The following FAM53A variants were observed in gnomAD, a reference collection of about 807,000 sequenced individuals.
FAM53A encodes the protein family with sequence similarity 53 member A.
In FAM53A, 28 loss-of-function variants were observed where a neutral mutation model predicts 26.6. The observed-to-expected ratio is 1.05, with a 90% CI of 0.78 to 1.45. FAM53A has a LOEUF of 1.45. Ranked by LOEUF, FAM53A falls within the 40% of genes most tolerant of loss-of-function variation. The probability of loss-of-function intolerance (pLI) is 0.00; values close to 1 mark genes in which losing one functional copy is unlikely to be tolerated. For missense variants in FAM53A, 650 were observed against 575.8 expected, an observed-to-expected ratio of 1.13 and a Z score of -1.32; for synonymous variants, 290 against 253.1, an observed-to-expected ratio of 1.15 and a Z score of -1.38.
At chr4:1,593,666 G>A in the FAM53A span, among the ~76,000 whole-genome samples, 5 of 152,118 alleles carry the variant, frequency 3.3e-5, no homozygotes, top group East Asian at 5.8e-4. Flanking sequence ...GCAATAGACA[G>A]GGTAATTGCA....
At chr4:1,655,876 C>T (rs1713336551) in intron 3 of FAM53A, among the ~76,000 whole-genome samples, 153 bp from the exon 4 acceptor site, 1 of 152,208 alleles carries the variant, frequency 6.6e-6, no homozygotes. Context: ...CCGTGGCGCA[C>T]AGTGGACACC....
chr4:1,615,391 C>A (rs1206978755), downstream of FAM53A, among the ~76,000 whole-genome samples: 1 of 137,478 alleles, frequency 7.3e-6, no homozygotes, highest in Admixed American at 7.4e-5. Context: ...AGACAGGATG[C>A]GGCCACATCC....
chr4:1,626,854 T>C lies in FAM53A; in HGVS notation c.432-8743A>G, dbSNP rs116132595. Among the ~76,000 whole-genome samples the C allele has an allele frequency of 4.0e-3, 616 of 152,224 alleles. 5 individuals carry two copies. Among genetic ancestry groups the C allele is most frequent in the African/African-American group, 0.014 (584 of 41,544 alleles). The stretch of plus-strand genomic sequence containing the variant: ...ACCCACCCACTGTTCATCCAACTGA[T>C]TGAGCCCCTGGCCAGGGCTCAATCA... On this transcript the variant is annotated intron_variant, in intron 1 of 1. Coordinates refer to the FAM53A transcript ENST00000489029.
At chr4:1,684,371 C>T (rs1225893260), upstream of FAM53A, 2 of 148,482 alleles carry the variant, frequency 1.3e-5, no homozygotes, top group Non-Finnish European at 3.0e-5. Flanking sequence ...TCATTGGCCG[C>T]CCGCGCCCCG....
chr4:1,603,812 G>A, the FAM53A span, among the ~76,000 whole-genome samples: 2 of 152,362 alleles, frequency 1.3e-5, no homozygotes, highest in African/African-American at 4.8e-5. Context: ...GCCCCAGGGA[G>A]CCTGGGGTGT....
the FAM53A span, among the ~76,000 whole-genome samples, chr4:1,595,153 G>C: frequency 6.6e-6 from 1 of 152,230 alleles, no homozygotes. Context: ...GGAAGCCGCA[G>C]CCACTGAAAG....
intron 1 of FAM53A, among the ~76,000 whole-genome samples, chr4:1,634,398 G>A (rs1459930410): frequency 2.0e-5 from 3 of 152,140 alleles, no homozygotes; most frequent in African/African-American, 7.2e-5. Context: ...CAGCCCTGAG[G>A]TCTAATACAG....
intron 1 of FAM53A, among the ~76,000 whole-genome samples, chr4:1,675,217 G>A (rs1714960834): frequency 1.3e-5 from 2 of 152,170 alleles, no homozygotes; most frequent in Admixed American, 6.5e-5. Flanking sequence ...GAGAAACCTG[G>A]CTCCCGCTGC....
At chr4:1,632,163 CAAA>C (rs33944808) in intron 1 of FAM53A, among the ~76,000 whole-genome samples, 4 of 107,470 alleles carry the variant, frequency 3.7e-5, no homozygotes, top group Non-Finnish European at 1.8e-5. Flanking sequence ...GATTCCATCT[CAAA>C]AAAAAAAAAA....
chr4:1,678,084 G>C (rs1269225474), intron 1 of FAM53A, among the ~76,000 whole-genome samples: 1 of 152,188 alleles, frequency 6.6e-6, no homozygotes, highest in Non-Finnish European at 1.5e-5. Context: ...CATCAAGACC[G>C]TGTGTGCCCA....
intron 4 of FAM53A, chr4:1,644,110 C>G (rs1363074462): frequency 8.7e-6 from 13 of 1,488,706 alleles, no homozygotes; most frequent in Non-Finnish European, 1.2e-5. Flanking sequence ...TGCCGTGCTG[C>G]CCACACAGGA....
chr4:1,667,033 C>T (rs529325837), intron 2 of FAM53A, among the ~76,000 whole-genome samples: 45 of 151,616 alleles, frequency 3.0e-4, no homozygotes, highest in Non-Finnish European at 5.2e-4. Flanking sequence ...GAGGCTGAGG[C>T]GGGAGAATTG....
At chr4:1,579,429 C>T in the FAM53A span, among the ~76,000 whole-genome samples, 11 of 151,984 alleles carry the variant, frequency 7.2e-5, no homozygotes, top group East Asian at 7.8e-4. Context: ...CCTGCGCCAC[C>T]CCCCCGCCCT....
At chr4:1,603,987 G>A in the FAM53A span, among the ~76,000 whole-genome samples, 1 of 152,204 alleles carries the variant, frequency 6.6e-6, no homozygotes, top group African/African-American at 2.4e-5. Flanking sequence ...GCCCTCATGG[G>A]CACAGCTGCT....
intron 1 of FAM53A, among the ~76,000 whole-genome samples, chr4:1,676,539 C>A (rs906860183): frequency 5.3e-5 from 8 of 152,176 alleles, no homozygotes; most frequent in Non-Finnish European, 1.2e-4. Context: ...GCGACACACA[C>A]AGGGTGCTGG....
chr4:1,672,628 G>GCT (rs202227403), intron 1 of FAM53A, among the ~76,000 whole-genome samples: 1,723 of 152,174 alleles, frequency 0.011, 32 homozygotes, highest in African/African-American at 0.04. Context: ...CCCAAAAGAT[G>GCT]CTCGGCAGCC....
At chr4:1,684,941 TGGG>T (rs1337290436), upstream of FAM53A, among the ~76,000 whole-genome samples, 1 of 152,020 alleles carries the variant, frequency 6.6e-6, no homozygotes, top group Non-Finnish European at 1.5e-5. Context: ...ACCGGACTCT[TGGG>T]GGGTCCCTAG....
intron 1 of FAM53A, among the ~76,000 whole-genome samples, chr4:1,671,295 AGCCACG>A (rs1210248835): frequency 3.1e-4 from 44 of 141,100 alleles, no homozygotes; most frequent in Non-Finnish European, 4.5e-4. Flanking sequence ...TCACAGCCAC[AGCCACG>A]GCCCGGACTC....
At chr4:1,652,618 C>A (rs1712956504) in intron 4 of FAM53A, among the ~76,000 whole-genome samples, 1 of 149,260 alleles carries the variant, frequency 6.7e-6, no homozygotes, top group Non-Finnish European at 1.5e-5. Flanking sequence ...TCACCACACA[C>A]ACACACACCA....
Sources: allele counts gnomAD v4.1 joint callset (sites outside exome capture counted in the v4.1 genomes callset), GRCh38; gene constraint gnomAD v4.1.1; transcripts MANE v1.5; gene names NCBI Gene and HGNC (gene_info 2026-07-23, HGNC 2026-07-21).